LDLRAD4: variants seen among roughly 807,000 people sequenced by gnomAD.
LDLRAD4 encodes low density lipoprotein receptor class A domain containing 4.
LDLRAD4 carries 5 observed loss-of-function variants against 17.0 expected under a neutral mutation model. The ratio of observed to expected loss-of-function variants is 0.29; its 90% confidence interval spans 0.15 to 0.62. LDLRAD4 has a LOEUF of 0.62. Ranked by LOEUF, LDLRAD4 falls within the 20% of genes least tolerant of loss-of-function variation. The probability of loss-of-function intolerance (pLI) is 0.84; values close to 1 mark genes in which losing one functional copy is unlikely to be tolerated. For missense variants in LDLRAD4, 340 were observed against 424.7 expected (o/e 0.80, Z 1.75); for synonymous variants, 168 against 171.8 (o/e 0.98, Z 0.17).
At chr18:13,281,369 G>A (rs1308236917) in intron 1 of LDLRAD4, among the ~76,000 whole-genome samples, 1 of 152,168 alleles carries the variant, frequency 6.6e-6, no homozygotes, top group African/African-American at 2.4e-5. Flanking sequence ...AGCCTGGGCA[G>A]TACAGCGAGA....
exon 6 of LDLRAD4, chr18:13,652,314 C>A (rs2043280097): frequency 6.6e-6 from 1 of 152,116 alleles, no homozygotes; most frequent in African/African-American, 2.4e-5. Flanking sequence ...TCATAGCTTT[C>A]AAAAATCATG....
At chr18:13,383,750 C>A in intron 1 of LDLRAD4, among the ~76,000 whole-genome samples, 1 of 152,210 alleles carries the variant, frequency 6.6e-6, no homozygotes, top group South Asian at 2.1e-4. Context: ...ACCCACCCTG[C>A]GCTGCCTGTT....
chr18:13,289,813 TAG>T (rs1240715328), intron 1 of LDLRAD4, among the ~76,000 whole-genome samples: 1 of 152,194 alleles, frequency 6.6e-6, no homozygotes, highest in Non-Finnish European at 1.5e-5. Context: ...CTCGAGCTTC[TAG>T]AGGTGAAGAC....
At chr18:13,580,666 C>G (rs562330649) in intron 3 of LDLRAD4, among the ~76,000 whole-genome samples, 1 of 152,182 alleles carries the variant, frequency 6.6e-6, no homozygotes, top group African/African-American at 2.4e-5. Context: ...TCTCGGGGGA[C>G]TGGCCAGCAG....
intron 4 of LDLRAD4, among the ~76,000 whole-genome samples, chr18:13,641,426 GATGA>G (rs1392627467): frequency 2.0e-5 from 3 of 152,242 alleles, no homozygotes; most frequent in East Asian, 1.9e-4. Flanking sequence ...AGATTAGATG[GATGA>G]ATGAATAGAG....
intron 4 of LDLRAD4, chr18:13,641,933 T>C (rs2042598463): frequency 2.0e-6 from 2 of 985,370 alleles, no homozygotes; most frequent in Non-Finnish European, 1.2e-6. Flanking sequence ...TACGGCTGAC[T>C]GGGCTCCCGG....
intron 1 of LDLRAD4, among the ~76,000 whole-genome samples, chr18:13,380,466 C>T (rs374622264): frequency 9.2e-5 from 14 of 152,180 alleles, no homozygotes; most frequent in African/African-American, 3.4e-4. Context: ...TCAACCTGTC[C>T]CCTCTCCCTG....
intron 5 of LDLRAD4, among the ~76,000 whole-genome samples, chr18:13,644,581 A>T (rs1271741866): frequency 2.0e-5 from 3 of 151,334 alleles, no homozygotes. Flanking sequence ...AAAAAAAAAA[A>T]TTAAGATAAA....
chr18:13,438,790 T>C (rs1487412794), intron 3 of LDLRAD4, among the ~76,000 whole-genome samples: 3 of 152,216 alleles, frequency 2.0e-5, no homozygotes, highest in Non-Finnish European at 4.4e-5. Flanking sequence ...ATGGGATCCT[T>C]GAAGGTTCTG....
intron 3 of LDLRAD4, among the ~76,000 whole-genome samples, chr18:13,581,814 G>A (rs1250173474): frequency 1.2e-4 from 19 of 152,026 alleles, no homozygotes; most frequent in African/African-American, 3.9e-4. Flanking sequence ...CACCTTGTGC[G>A]TATGGATGCA....
chr18:13,541,021 C>T (rs982945903), intron 3 of LDLRAD4, among the ~76,000 whole-genome samples: 4 of 152,062 alleles, frequency 2.6e-5, no homozygotes, highest in Non-Finnish European at 2.9e-5. Context: ...GTGTTGAGGC[C>T]CCTGGGGGCT....
At chr18:13,244,417 A>C (rs918855819) in intron 1 of LDLRAD4, among the ~76,000 whole-genome samples, 1 of 151,996 alleles carries the variant, frequency 6.6e-6, no homozygotes, top group Non-Finnish European at 1.5e-5. Context: ...CTGCACATCC[A>C]TTCATCCTGC....
At chr18:13,464,511 A>G (rs1043501477) in intron 3 of LDLRAD4, among the ~76,000 whole-genome samples, 2 of 152,204 alleles carry the variant, frequency 1.3e-5, no homozygotes, top group Non-Finnish European at 2.9e-5. Context: ...TATACCTGCT[A>G]TATCTTTCAG....
At chr18:13,626,159 C>T (rs1042560514) in intron 4 of LDLRAD4, among the ~76,000 whole-genome samples, 2 of 152,152 alleles carry the variant, frequency 1.3e-5, no homozygotes, top group Non-Finnish European at 2.9e-5. Flanking sequence ...GCGGCGGGTC[C>T]GGATCTGCAT....
chr18:13,649,957 T>G (rs2043175817), exon 6 of LDLRAD4: 1 of 397,650 alleles, frequency 2.5e-6, no homozygotes, highest in African/African-American at 2.1e-5. Context: ...AAGGGAGAAC[T>G]TCCCCTTCTT....
At chr18:13,473,361 G>C (rs1457148334) in intron 3 of LDLRAD4, among the ~76,000 whole-genome samples, 2 of 152,064 alleles carry the variant, frequency 1.3e-5, no homozygotes, top group East Asian at 3.9e-4. Context: ...TCATATCACA[G>C]CCAGACAGAT....
intron 3 of LDLRAD4, among the ~76,000 whole-genome samples, chr18:13,443,331 C>T (rs2091156540): frequency 6.6e-6 from 1 of 152,172 alleles, no homozygotes; most frequent in South Asian, 2.1e-4. Flanking sequence ...GCAGCAACTT[C>T]CCACCTCCCA....
At chr18:13,449,806 A>C (rs962515399) in intron 3 of LDLRAD4, among the ~76,000 whole-genome samples, 1 of 152,220 alleles carries the variant, frequency 6.6e-6, no homozygotes, top group Admixed American at 6.5e-5. Context: ...CTATGGTTCC[A>C]GGTAGGGTGT....
chr18:13,370,676 A>G (rs1001786296), intron 1 of LDLRAD4, among the ~76,000 whole-genome samples: 3 of 147,136 alleles, frequency 2.0e-5, no homozygotes, highest in African/African-American at 7.5e-5. Context: ...TGCTGCCTTT[A>G]GATGTAGGCA....
Sources: allele counts gnomAD v4.1 joint callset (sites outside exome capture counted in the v4.1 genomes callset), GRCh38; gene constraint gnomAD v4.1.1; transcripts MANE v1.5; gene names NCBI Gene and HGNC (gene_info 2026-07-23, HGNC 2026-07-21).